The following DNAH11 variants were observed in gnomAD, a reference collection of about 807,000 sequenced individuals.
DNAH11 encodes the protein dynein axonemal heavy chain 11.
A neutral mutation model predicts 526.0 loss-of-function variants in DNAH11; 442 were observed. The observed-to-expected ratio is 0.84, with a 90% CI of 0.78 to 0.91. The LOEUF (loss-of-function observed/expected upper bound fraction) is 0.91, where lower values mean the gene tolerates loss of function less well. Ranked by LOEUF, DNAH11 falls within the 40% of genes least tolerant of loss-of-function variation. DNAH11 has a pLI of 0.00. For missense variants in DNAH11, 6,989 were observed against 5,448.7 expected, an observed-to-expected ratio of 1.28 and a Z score of -8.90; for synonymous variants, 2,461 against 1,935.9, an observed-to-expected ratio of 1.27 and a Z score of -7.12.
chr7:21,599,983 T>C lies in DNAH11; in HGVS notation c.2864T>C (p.Ile955Thr). ...CAAATGATCTTGTTGCCTCCTGAGA[T>C]TGTGTTTAAACCTTCCCTAGACAGA... ...QAQMILLPPE[I>T]VFKPSLDREA... The change falls in exon 15 of 82, where the codon ATT becomes ACT. Residue 955 changes from isoleucine to threonine, a missense_variant. Ile to Thr is a moderately conservative substitution (Grantham distance 89). Transcript: ENST00000409508. 1 of 1,613,772 alleles carries C rather than the reference T, an allele frequency of 6.2e-7. No homozygotes were observed. The highest frequency in any genetic ancestry group is 8.5e-7 in the Non-Finnish European group (1 of 1,179,810).
intron 36 of DNAH11, among the ~76,000 whole-genome samples, chr7:21,698,736 G>T (rs1783949403): frequency 6.6e-6 from 1 of 152,112 alleles, no homozygotes; most frequent in Admixed American, 6.6e-5. Flanking sequence ...ATTTAGGCTA[G>T]TCCATATTTT....
intron 79 of DNAH11, among the ~76,000 whole-genome samples, chr7:21,898,219 C>G (rs967399733): frequency 2.0e-5 from 3 of 152,130 alleles, no homozygotes; most frequent in Admixed American, 2.0e-4. Context: ...TTTTCTCATT[C>G]GCCTTTTTCC....
intron 2 of DNAH11, among the ~76,000 whole-genome samples, chr7:21,554,426 C>G (rs755153436): frequency 1.3e-5 from 2 of 152,042 alleles, no homozygotes; most frequent in African/African-American, 4.8e-5. Context: ...CTACCCATCT[C>G]GGCCTCCCAG....
intron 81 of DNAH11, 92 bp downstream of exon 81, chr7:21,900,212 C>CA (rs1003049653): frequency 7.4e-7 from 1 of 1,345,020 alleles, no homozygotes; most frequent in African/African-American, 1.5e-5. Flanking sequence ...AGCATCTCCT[C>CA]ACTCACACAG....
intron 45 of DNAH11, among the ~76,000 whole-genome samples, chr7:21,727,137 G>C (rs1310625895): frequency 6.6e-6 from 1 of 151,380 alleles, no homozygotes; most frequent in East Asian, 2.0e-4. Flanking sequence ...GTTTCACCGT[G>C]TTAGCCAGGA....
chr7:21,745,979 C>G (rs1786132563), intron 51 of DNAH11, among the ~76,000 whole-genome samples: 1 of 152,134 alleles, frequency 6.6e-6, no homozygotes, highest in African/African-American at 2.4e-5. Flanking sequence ...TAGGCTGCAG[C>G]ATAGAGAAAA....
At chr7:21,878,151 A>C (rs1487602752) in intron 74 of DNAH11, among the ~76,000 whole-genome samples, 1 of 152,334 alleles carries the variant, frequency 6.6e-6, no homozygotes, top group East Asian at 1.9e-4. Context: ...CTTGGTTTGC[A>C]AAAATACAAC....
chr7:21,659,188 T>C (rs1291574440), intron 30 of DNAH11, among the ~76,000 whole-genome samples, 157 bp downstream of exon 30: 2 of 151,184 alleles, frequency 1.3e-5, no homozygotes, highest in East Asian at 3.9e-4. Context: ...ATTTTTTACC[T>C]TTGTGGTATC....
chr7:21,884,129 G>T lies in DNAH11; in HGVS notation c.12388-162G>T, dbSNP rs1321454712. Among the ~76,000 whole-genome samples, 3 of 152,166 alleles carry T rather than the reference G, an allele frequency of 2.0e-5. No homozygotes were observed. In the East Asian group the frequency reaches 5.8e-4, roughly 29 times the overall value. ...AAGACACTGAAAATAATTCTCCCAA[G>T]AAATTCTCTGCAGAAACTTAGACAA... On this transcript the variant is annotated intron_variant, in intron 75 of 81. Transcript: ENST00000409508.
At chr7:21,564,051 TAA>T in intron 5 of DNAH11, 133 bp from the exon 6 acceptor site, 1 of 586,376 alleles carries the variant, frequency 1.7e-6, no homozygotes, top group South Asian at 3.1e-5. Context: ...GTAGGATAAG[TAA>T]TATAAAAGGA....
At chr7:21,838,923 C>T (rs368533835) in intron 65 of DNAH11, among the ~76,000 whole-genome samples, 1 of 152,026 alleles carries the variant, frequency 6.6e-6, no homozygotes, top group Non-Finnish European at 1.5e-5. Context: ...AAACCGCTTG[C>T]CAATGTGGTT....
intron 54 of DNAH11, among the ~76,000 whole-genome samples, chr7:21,761,338 A>G (rs892861516): frequency 3.3e-5 from 5 of 152,234 alleles, no homozygotes; most frequent in African/African-American, 7.2e-5. Context: ...GTATATGTCT[A>G]TAATTTAATT....
rs1451948711 is a variant in DNAH11 at position 21,634,390 on chromosome 7, A to G, written c.4501-1481A>G. 3.9e-5 allele frequency among the ~76,000 whole-genome samples: 6 copies of G among 152,330 alleles called. No homozygotes were observed. The South Asian group carries it at 1.2e-3, about 32-fold the overall frequency. ...AAAAGGAGGCAGCAAGAGAGTGGTC[A>G]GAGAAATGCTTGAAACAGGATACTG... is the stretch of plus-strand genomic sequence containing the variant. On this transcript the variant is annotated intron_variant, in intron 25 of 81. Transcript: ENST00000409508.
At position 21,876,493 on chromosome 7, in the gene DNAH11, C is replaced by T. The variant is rs573918095; in HGVS notation, c.12195+2992C>T. Reference sequence around the variant, plus strand: ...GAATATGTTCCCATTGCCCTTTTATCAGTTAGAATGTTGGGTTGGCTACTT... The same window carrying T: ...GAATATGTTCCCATTGCCCTTTTATTAGTTAGAATGTTGGGTTGGCTACTT... On this transcript the variant is annotated intron_variant, in intron 74 of 81. Coordinates refer to ENST00000409508, the MANE Select transcript of DNAH11 (RefSeq NM_001277115.2). Among the ~76,000 whole-genome samples, 203 of 152,316 alleles carry T rather than the reference C, an allele frequency of 1.3e-3. 1 individual carries two copies. The highest frequency in any genetic ancestry group is 0.01 in the Middle Eastern group (3 of 294).
intron 45 of DNAH11, among the ~76,000 whole-genome samples, chr7:21,727,731 G>A (rs1432797580): frequency 6.6e-6 from 1 of 152,146 alleles, no homozygotes; most frequent in Non-Finnish European, 1.5e-5. Flanking sequence ...GAGGCAATTA[G>A]TGCCAAATAA....
At chr7:21,782,915 AAAAAAAAG>A (rs1245403702) in intron 57 of DNAH11, among the ~76,000 whole-genome samples, 2 of 133,404 alleles carry the variant, frequency 1.5e-5, no homozygotes, top group African/African-American at 5.5e-5. Context: ...CTCAAAAAAA[AAAAAAAAG>A]AAAGAAAGAA....
chr7:21,763,109 T>C (rs1786995015), intron 54 of DNAH11, among the ~76,000 whole-genome samples: 1 of 152,046 alleles, frequency 6.6e-6, no homozygotes, highest in South Asian at 2.1e-4. Context: ...TTTGAGATGC[T>C]GAGGCAGGTG....
At chr7:21,787,337 T>A (rs370815588) in intron 59 of DNAH11, 64 bp from the exon 60 acceptor site, 32 of 1,509,130 alleles carry the variant, frequency 2.1e-5, no homozygotes, top group Non-Finnish European at 2.9e-5. Context: ...ATTTTAACTT[T>A]TGATCTTGGA....
At chr7:21,882,686 A>C (rs915361900) in intron 75 of DNAH11, among the ~76,000 whole-genome samples, 2 of 152,136 alleles carry the variant, frequency 1.3e-5, no homozygotes, top group Non-Finnish European at 2.9e-5. Context: ...AGTTCCAGCT[A>C]TTTAGGAGAC....
Sources: allele counts gnomAD v4.1 joint callset (sites outside exome capture counted in the v4.1 genomes callset), GRCh38; gene constraint gnomAD v4.1.1; transcripts MANE v1.5; gene names NCBI Gene and HGNC (gene_info 2026-07-23, HGNC 2026-07-21).